Variants in ST7 observed in about 807,000 individuals in gnomAD.
ST7 encodes the protein suppression of tumorigenicity 7.
Under a neutral mutation model 78.7 loss-of-function variants are expected in ST7, and 28 were observed. The ratio of observed to expected loss-of-function variants is 0.36; its 90% confidence interval spans 0.26 to 0.49. ST7 has a LOEUF of 0.49. ST7 is among the 20% of genes least tolerant of loss of function. The pLI is 0.99. For synonymous variants in ST7, 247 were observed against 249.6 expected (o/e 0.99, Z 0.10); for missense variants, 418 against 696.0 (o/e 0.60, Z 4.49).
At chr7:117,092,354 G>T (rs1032639567) in intron 1 of ST7, among the ~76,000 whole-genome samples, 1 of 144,112 alleles carries the variant, frequency 6.9e-6, no homozygotes. Context: ...ATGAATACCA[G>T]CAGAGCAGGG....
chr7:116,983,056 G>T (rs1038486790), intron 1 of ST7, among the ~76,000 whole-genome samples: 9 of 152,072 alleles, frequency 5.9e-5, no homozygotes, highest in African/African-American at 7.2e-5. Context: ...ATGCCACCAC[G>T]CCTGGCTAAT....
At chr7:117,081,102 A>G (rs1407729418) in intron 1 of ST7, 2 of 152,152 alleles carry the variant, frequency 1.3e-5, no homozygotes, top group Non-Finnish European at 2.9e-5. Context: ...TATATTAGTT[A>G]TTTTATTTCC....
At chr7:117,203,932 C>T (rs1256051883) in intron 12 of ST7, among the ~76,000 whole-genome samples, 1 of 152,140 alleles carries the variant, frequency 6.6e-6, no homozygotes, top group Non-Finnish European at 1.5e-5. Flanking sequence ...CACTGTGGGC[C>T]TTCGCATATT....
At chr7:117,134,553 C>A (rs1365437332) in intron 7 of ST7, among the ~76,000 whole-genome samples, 1 of 152,016 alleles carries the variant, frequency 6.6e-6, no homozygotes, top group East Asian at 1.9e-4. Flanking sequence ...TAGCCCCAAC[C>A]ATTCTTGGGT....
intron 15 of ST7, among the ~76,000 whole-genome samples, chr7:117,224,497 A>T (rs1793316442): frequency 6.6e-6 from 1 of 152,218 alleles, no homozygotes; most frequent in African/African-American, 2.4e-5. Context: ...ACTTAGTAAA[A>T]TTTAAAATAA....
intron 9 of ST7, among the ~76,000 whole-genome samples, chr7:117,152,213 A>C (rs1376809182): frequency 6.1e-5 from 7 of 115,030 alleles, no homozygotes; most frequent in African/African-American, 2.3e-4. Flanking sequence ...ATATATATAT[A>C]TATATATATA....
chr7:116,958,159 C>G (rs1792617243), intron 1 of ST7, among the ~76,000 whole-genome samples: 1 of 114,822 alleles, frequency 8.7e-6, no homozygotes, highest in South Asian at 3.0e-4. Flanking sequence ...CAGTGCGTGG[C>G]TAATTTTTTT....
chr7:117,014,935 C>A, intron 1 of ST7: 1 of 1,305,268 alleles, frequency 7.7e-7, no homozygotes, highest in Admixed American at 3.7e-5. Context: ...GTCCAGGGAG[C>A]CGTTTCATTT....
intron 9 of ST7, chr7:117,144,266 G>A (rs1805564279): frequency 6.6e-6 from 1 of 152,074 alleles, no homozygotes. Context: ...TGGAGTGGGA[G>A]AGGGAGAGTG....
At chr7:117,071,105 G>A (rs1040736323) in intron 1 of ST7, among the ~76,000 whole-genome samples, 3 of 151,984 alleles carry the variant, frequency 2.0e-5, no homozygotes, top group African/African-American at 7.2e-5. Flanking sequence ...TGTAGTCCCA[G>A]CTACTCGGGA....
chr7:117,133,450 C>T (rs1335545136), intron 6 of ST7, among the ~76,000 whole-genome samples: 2 of 151,916 alleles, frequency 1.3e-5, no homozygotes, highest in Non-Finnish European at 2.9e-5. Flanking sequence ...GTCTGACAGT[C>T]ATTCTCCTTG....
At chr7:116,995,078 A>G (rs927375604) in intron 1 of ST7, among the ~76,000 whole-genome samples, 2 of 152,060 alleles carry the variant, frequency 1.3e-5, no homozygotes, top group East Asian at 1.9e-4. Flanking sequence ...CCTTCACCAA[A>G]GCCTGTGCCC....
intron 1 of ST7, among the ~76,000 whole-genome samples, chr7:117,070,485 T>A (rs1395936457): frequency 1.3e-5 from 2 of 152,202 alleles, no homozygotes; most frequent in African/African-American, 4.8e-5. Flanking sequence ...TTTTGCAAGA[T>A]GAGAAAGTTC....
At position 117,074,469 on chromosome 7, in the gene ST7, T is replaced by C. The variant is rs550594284; in HGVS notation, c.152-25293T>C. 5.9e-5 allele frequency among the ~76,000 whole-genome samples: 9 copies of C among 152,138 alleles called. No individual in the cohort carries two copies. The East Asian group carries it at 1.7e-3, about 29-fold the overall frequency. On this transcript the variant is annotated intron_variant, in intron 1 of 15. Coordinates refer to ENST00000323984, the MANE Select transcript of ST7 (RefSeq NM_001369598.1). Reference sequence around the variant, plus strand: ...CCCCTCATAGAGAGTGCTTTGGCAGTTAGGAAAAGTAAATCACACCGAAAC... The same window carrying C: ...CCCCTCATAGAGAGTGCTTTGGCAGCTAGGAAAAGTAAATCACACCGAAAC...
At chr7:117,225,037 A>T (rs1793351256) in intron 15 of ST7, among the ~76,000 whole-genome samples, 1 of 152,158 alleles carries the variant, frequency 6.6e-6, no homozygotes, top group South Asian at 2.1e-4. Flanking sequence ...GGTGATGCGG[A>T]TGTACAACCA....
chr7:117,016,392 A>G lies in ST7; in HGVS notation c.151+62701A>G, dbSNP rs145426306. 1.1e-3 allele frequency among the ~76,000 whole-genome samples: 168 copies of G among 152,336 alleles called. 1 individual carries two copies. Among genetic ancestry groups the G allele is most frequent in the African/African-American group, 3.8e-3 (160 of 41,588 alleles). On this transcript the variant is annotated intron_variant, in intron 1 of 15. Transcript: ENST00000323984. The stretch of plus-strand genomic sequence containing the variant: ...TAAAATCCTACCACAGAGCTTTACT[A>G]TGAGTATGCTTTTAGTTATAAATTT...
chr7:117,193,150 T>TACACACACACACACACAC (rs137866535), intron 12 of ST7, among the ~76,000 whole-genome samples: 2,627 of 144,902 alleles, frequency 0.018, 87 homozygotes, highest in African/African-American at 0.063. Flanking sequence ...CTTTAGCAGA[T>TACACACACACACACACAC]ACACACACAC....
intron 1 of ST7, among the ~76,000 whole-genome samples, chr7:117,041,266 A>T (rs962475812): frequency 2.0e-5 from 3 of 152,212 alleles, no homozygotes; most frequent in Admixed American, 6.5e-5. Flanking sequence ...CTAGTAGATG[A>T]GCAAGCAGAT....
chr7:116,995,300 T>C (rs1324199344), intron 1 of ST7, among the ~76,000 whole-genome samples: 1 of 152,218 alleles, frequency 6.6e-6, no homozygotes, highest in Non-Finnish European at 1.5e-5. Context: ...TGAGGAATAG[T>C]AACCATCCCC....
Sources: allele counts gnomAD v4.1 joint callset (sites outside exome capture counted in the v4.1 genomes callset), GRCh38; gene constraint gnomAD v4.1.1; transcripts MANE v1.5; gene names NCBI Gene and HGNC (gene_info 2026-07-23, HGNC 2026-07-21).